Variants in PKP4 observed in about 807,000 individuals in gnomAD.
The protein encoded by PKP4 is plakophilin 4.
A neutral mutation model predicts 145.1 loss-of-function variants in PKP4; 90 were observed. The observed-to-expected ratio is 0.62, with a 90% CI of 0.52 to 0.74. PKP4 has a LOEUF of 0.74. PKP4 is among the 30% of genes least tolerant of loss of function. The pLI is 0.00. For synonymous variants in PKP4, 563 were observed against 577.2 expected (o/e 0.98, Z 0.35); for missense variants, 1,340 against 1,482.7 (o/e 0.90, Z 1.58).
At chr2:158,615,296 C>G (rs2051493909) in intron 4 of PKP4, among the ~76,000 whole-genome samples, 1 of 151,840 alleles carries the variant, frequency 6.6e-6, no homozygotes, top group African/African-American at 2.4e-5. Flanking sequence ...CTTTTTATAT[C>G]ACAATGAATC....
At chr2:158,571,313 G>A (rs1239849555) in intron 2 of PKP4, among the ~76,000 whole-genome samples, 2 of 152,154 alleles carry the variant, frequency 1.3e-5, no homozygotes, top group African/African-American at 4.8e-5. Context: ...GGAAGAAAAG[G>A]AAAACATGAT....
At chr2:158,555,896 G>A (rs1404070305) in intron 2 of PKP4, among the ~76,000 whole-genome samples, 2 of 152,132 alleles carry the variant, frequency 1.3e-5, no homozygotes, top group African/African-American at 4.8e-5. Context: ...AATCTACTCT[G>A]AGACTGAGCT....
At chr2:158,559,055 A>G (rs890525354) in intron 2 of PKP4, among the ~76,000 whole-genome samples, 3 of 152,276 alleles carry the variant, frequency 2.0e-5, no homozygotes, top group African/African-American at 7.2e-5. Flanking sequence ...TTTGTGGGAA[A>G]CCGCAGACTC....
At chr2:158,641,046 A>T (rs2054236853) in intron 10 of PKP4, among the ~76,000 whole-genome samples, 1 of 152,164 alleles carries the variant, frequency 6.6e-6, no homozygotes, top group Non-Finnish European at 1.5e-5. Flanking sequence ...GCATTTAAAA[A>T]ATATTTTAGG....
Position 158,624,877 on chromosome 2 carries a change from G to T in PKP4, c.604-1G>T. 1.9e-6 allele frequency: 3 copies of T among 1,569,644 alleles called. No homozygotes were observed. The highest frequency in any genetic ancestry group is 2.6e-6 in the Non-Finnish European group (3 of 1,155,174). On this transcript the variant is annotated splice_acceptor_variant, in intron 6 of 21. Coordinates refer to ENST00000389759, the MANE Select transcript of PKP4 (RefSeq NM_003628.6). LOFTEE classifies it high-confidence loss of function. ...TCTCTTTTTTCCCCCCCTTTCATCA[G>T]CCATCAGTAGCCAATCGGGCCATGA...
intron 19 of PKP4, among the ~76,000 whole-genome samples, chr2:158,676,135 T>C (rs1039370559): frequency 6.6e-6 from 1 of 152,196 alleles, no homozygotes; most frequent in Admixed American, 6.5e-5. Flanking sequence ...CGCTTCCTAA[T>C]GAGCCAGGCT....
At chr2:158,622,289 T>A (rs2052337453) in intron 6 of PKP4, among the ~76,000 whole-genome samples, 1 of 152,122 alleles carries the variant, frequency 6.6e-6, no homozygotes, top group Non-Finnish European at 1.5e-5. Flanking sequence ...TAAGTTAGGG[T>A]TCTCTAACTT....
At chr2:158,639,284 A>G (rs2054071046) in intron 9 of PKP4, among the ~76,000 whole-genome samples, 1 of 152,012 alleles carries the variant, frequency 6.6e-6, no homozygotes. Flanking sequence ...CTCCAGCACC[A>G]TAGCACAGTA....
At position 158,576,915 on chromosome 2, in the gene PKP4, T is replaced by A. The variant is rs374293656; in HGVS notation, c.133-356T>A. On this transcript the variant is annotated intron_variant, in intron 2 of 21. Coordinates refer to ENST00000389759, the MANE Select transcript of PKP4 (RefSeq NM_003628.6). ...TAAGAAATATAAAAACTAGCCATTG[T>A]TTGCTGTGTCTCTGATGTAGATACA... 1.3e-4 allele frequency among the ~76,000 whole-genome samples: 20 copies of A among 152,276 alleles called. 2 individuals carry two copies. Among genetic ancestry groups the A allele is most frequent in the South Asian group, 1.2e-3 (6 of 4,826 alleles).
At chr2:158,519,708 AGACT>A (rs1304600814) in intron 1 of PKP4, among the ~76,000 whole-genome samples, 1 of 152,188 alleles carries the variant, frequency 6.6e-6, no homozygotes, top group East Asian at 1.9e-4. Context: ...TAAAATTTCT[AGACT>A]GACTAATTTT....
intron 2 of PKP4, among the ~76,000 whole-genome samples, chr2:158,540,323 C>G (rs1411138640): frequency 6.6e-6 from 1 of 152,136 alleles, no homozygotes; most frequent in African/African-American, 2.4e-5. Context: ...ATCACACATT[C>G]AAACATGGAA....
intron 1 of PKP4, among the ~76,000 whole-genome samples, chr2:158,463,577 G>A (rs1413982147): frequency 1.3e-5 from 2 of 152,180 alleles, no homozygotes; most frequent in Non-Finnish European, 2.9e-5. Flanking sequence ...CCACTATGCA[G>A]GTGTGTGTCC....
chr2:158,513,073 T>C (rs2041650018), intron 1 of PKP4, among the ~76,000 whole-genome samples: 1 of 152,140 alleles, frequency 6.6e-6, no homozygotes, highest in East Asian at 1.9e-4. Context: ...GGGTTTTCCT[T>C]TTCTGTGTTT....
intron 12 of PKP4, chr2:158,658,526 T>C: frequency 2.2e-6 from 1 of 446,854 alleles, no homozygotes; most frequent in Non-Finnish European, 3.9e-6. Flanking sequence ...ATGACTCTTC[T>C]GTGACTTACT....
At chr2:158,648,413 A>G (rs2055027742) in intron 11 of PKP4, among the ~76,000 whole-genome samples, 2 of 152,270 alleles carry the variant, frequency 1.3e-5, no homozygotes, top group South Asian at 4.1e-4. Flanking sequence ...AGGGCAGAAC[A>G]GTCTGGCAAG....
At chr2:158,567,891 G>A (rs1450744637) in intron 2 of PKP4, among the ~76,000 whole-genome samples, 1 of 152,210 alleles carries the variant, frequency 6.6e-6, no homozygotes, top group Non-Finnish European at 1.5e-5. Context: ...ATCACTTAAT[G>A]TGCAAGGAAT....
chr2:158,458,462 A>G (rs899658620), intron 1 of PKP4: 1 of 152,336 alleles, frequency 6.6e-6, no homozygotes, highest in African/African-American at 2.4e-5. Flanking sequence ...CTGTGTAGCC[A>G]AGGTTATTGA....
intron 6 of PKP4, among the ~76,000 whole-genome samples, chr2:158,622,341 C>T (rs1280761652): frequency 6.6e-6 from 1 of 152,086 alleles, no homozygotes; most frequent in African/African-American, 2.4e-5. Context: ...TATAAAAACT[C>T]TTCAGCTCCT....
intron 9 of PKP4, among the ~76,000 whole-genome samples, chr2:158,634,751 G>A (rs138030659): frequency 9.1e-4 from 139 of 152,306 alleles, no homozygotes; most frequent in African/African-American, 3.1e-3. Context: ...ATATAACGCT[G>A]TTATTAACCA....
Sources: gnomAD v4.1 joint callset for allele counts (sites outside exome capture counted in the v4.1 genomes callset) on GRCh38, gnomAD v4.1.1 for gene constraint, MANE v1.5 for transcripts, NCBI Gene and HGNC (gene_info 2026-07-23, HGNC 2026-07-21) for gene names.